Variants in GPR39 observed in about 807,000 individuals in gnomAD.
The protein encoded by GPR39 is zinc sensing receptor.
In GPR39, 23 loss-of-function variants were observed where a neutral mutation model predicts 18.4. The ratio of observed to expected loss-of-function variants is 1.25; its 90% CI spans 0.90 to 1.77. GPR39 has a LOEUF of 1.77. Ranked by LOEUF, GPR39 falls within the 40% of genes most tolerant of loss-of-function variation. The pLI is 0.00. For synonymous variants in GPR39, 280 were observed against 257.9 expected, an observed-to-expected ratio of 1.09 and a Z score of -0.82; for missense variants, 647 against 602.4, an observed-to-expected ratio of 1.07 and a Z score of -0.78.
chr2:132,419,651 C>T (rs1679972027), intron 1 of GPR39, among the ~76,000 whole-genome samples: 1 of 152,192 alleles, frequency 6.6e-6, no homozygotes, highest in Middle Eastern at 3.2e-3. Context: ...TGTTGAAATA[C>T]TAGTTCTCCC....
intron 1 of GPR39, among the ~76,000 whole-genome samples, chr2:132,552,913 TATATAC>T (rs1173232017): frequency 2.7e-5 from 2 of 74,362 alleles, no homozygotes; most frequent in African/African-American, 7.6e-5. Flanking sequence ...CACACACATA[TATATAC>T]ACACACACAC....
chr2:132,469,247 T>A (rs1267933467), intron 1 of GPR39, among the ~76,000 whole-genome samples: 1 of 152,180 alleles, frequency 6.6e-6, no homozygotes, highest in Admixed American at 6.5e-5. Flanking sequence ...TAGAGCTCTT[T>A]AAAGCCCCTG....
At chr2:132,439,353 C>T (rs6705147) in intron 1 of GPR39, among the ~76,000 whole-genome samples, 56,321 of 151,794 alleles carry the variant, frequency 0.37, 10,907 homozygotes, top group African/African-American at 0.5. Context: ...GAAATAACCC[C>T]TCAAACATCA....
intron 1 of GPR39, among the ~76,000 whole-genome samples, chr2:132,586,048 C>T (rs546698708): frequency 2.7e-5 from 4 of 147,642 alleles, no homozygotes; most frequent in Admixed American, 6.8e-5. Context: ...TGATTCACGG[C>T]TGCTGCCGCT....
intron 1 of GPR39, among the ~76,000 whole-genome samples, chr2:132,563,269 A>T: frequency 6.6e-6 from 1 of 152,226 alleles, no homozygotes; most frequent in East Asian, 1.9e-4. Flanking sequence ...TCAAAGGCCT[A>T]TCAGCCACAG....
At chr2:132,436,541 G>A (rs375941584) in intron 1 of GPR39, among the ~76,000 whole-genome samples, 1 of 152,162 alleles carries the variant, frequency 6.6e-6, no homozygotes, top group East Asian at 1.9e-4. Flanking sequence ...TAATGAGAAC[G>A]TTAAAATGAC....
At chr2:132,642,974 G>C (rs940198104) in intron 1 of GPR39, among the ~76,000 whole-genome samples, 16 of 152,188 alleles carry the variant, frequency 1.1e-4, no homozygotes, top group African/African-American at 3.9e-4. Flanking sequence ...CTCTCAATCA[G>C]AGCTGGATGA....
intron 1 of GPR39, among the ~76,000 whole-genome samples, chr2:132,490,707 C>A (rs1440436175): frequency 6.6e-6 from 1 of 151,836 alleles, no homozygotes; most frequent in Non-Finnish European, 1.5e-5. Context: ...ATGATGTGGG[C>A]ACAGGCCTGA....
chr2:132,579,952 C>T (rs573475734), intron 1 of GPR39, among the ~76,000 whole-genome samples: 1 of 152,208 alleles, frequency 6.6e-6, no homozygotes, highest in Non-Finnish European at 1.5e-5. Context: ...TGTAAAATGC[C>T]TAAAGTTTCA....
At chr2:132,441,057 T>C (rs2315591) in intron 1 of GPR39, among the ~76,000 whole-genome samples, 151,293 of 152,352 alleles carry the variant, frequency 0.99, 75,131 homozygotes, top group Middle Eastern at 1. Context: ...TCCATAGCCA[T>C]GCTCATAAGA....
At chr2:132,497,346 A>G (rs1229571609) in intron 1 of GPR39, among the ~76,000 whole-genome samples, 13 of 148,218 alleles carry the variant, frequency 8.8e-5, no homozygotes. Context: ...ACTCACCCTC[A>G]TTGGCCTGTT....
At chr2:132,423,288 C>T (rs1350500903) in intron 1 of GPR39, among the ~76,000 whole-genome samples, 3 of 150,236 alleles carry the variant, frequency 2.0e-5, no homozygotes, top group Non-Finnish European at 4.4e-5. Flanking sequence ...CTGGCCTTCT[C>T]TGCACATGTG....
chr2:132,606,298 CT>C (rs1275263412), intron 1 of GPR39: 1 of 152,320 alleles, frequency 6.6e-6, no homozygotes, highest in East Asian at 1.9e-4. Flanking sequence ...GAAATAGAAT[CT>C]TTTTAGACTT....
chr2:132,492,444 C>T (rs1333511549), intron 1 of GPR39, among the ~76,000 whole-genome samples: 1 of 133,860 alleles, frequency 7.5e-6, no homozygotes, highest in Non-Finnish European at 1.6e-5. Flanking sequence ...TATATATACA[C>T]CATATATACA....
chr2:132,455,691 C>T lies in GPR39; in HGVS notation c.856+37793C>T, dbSNP rs543585788. ...TTCTGGTATGTTGTGTCTTTGTTCT[C>T]ATTGGTTTCGAAGAGCATCTTTATT... On this transcript the variant is annotated intron_variant, in intron 1 of 1. Coordinates refer to ENST00000329321, the MANE Select transcript of GPR39 (RefSeq NM_001508.3). Among the ~76,000 whole-genome samples, 3 of 152,288 alleles carry T rather than the reference C, an allele frequency of 2.0e-5. No individual in the cohort carries two copies. In the East Asian group the frequency reaches 5.8e-4, roughly 29 times the overall value.
intron 1 of GPR39, among the ~76,000 whole-genome samples, chr2:132,581,951 A>T (rs1680630488): frequency 6.6e-6 from 1 of 152,250 alleles, no homozygotes; most frequent in East Asian, 1.9e-4. Flanking sequence ...GTTTCAAAAA[A>T]AAAAGAATTC....
intron 1 of GPR39, among the ~76,000 whole-genome samples, chr2:132,542,900 A>G (rs545468069): frequency 6.6e-6 from 1 of 152,238 alleles, no homozygotes; most frequent in South Asian, 2.1e-4. Flanking sequence ...TCAGTAAGGT[A>G]GGTGTCTGAG....
At chr2:132,480,153 A>T (rs1166649934) in intron 1 of GPR39, among the ~76,000 whole-genome samples, 1 of 152,242 alleles carries the variant, frequency 6.6e-6, no homozygotes, top group Non-Finnish European at 1.5e-5. Context: ...GAAATAAGTC[A>T]ATCACGAAAA....
intron 1 of GPR39, among the ~76,000 whole-genome samples, chr2:132,627,919 T>C (rs528525257): frequency 2.6e-4 from 40 of 152,314 alleles, no homozygotes; most frequent in African/African-American, 9.4e-4. Context: ...CAAGGCTGAC[T>C]GTGGCCAGTC....
Sources: gnomAD v4.1 joint callset for allele counts (sites outside exome capture counted in the v4.1 genomes callset) on GRCh38, gnomAD v4.1.1 for gene constraint, MANE v1.5 for transcripts, NCBI Gene and HGNC (gene_info 2026-07-23, HGNC 2026-07-21) for gene names.